LUZP2: variants seen among roughly 807,000 people sequenced by gnomAD.
LUZP2 encodes the protein leucine zipper protein 2.
Under a neutral mutation model 51.6 loss-of-function variants are expected in LUZP2, and 52 were observed. The ratio of observed to expected loss-of-function variants is 1.01; its 90% CI spans 0.81 to 1.27. LUZP2 has a LOEUF of 1.27. Among genes scored for constraint, LUZP2 ranks in the 50% most tolerant of loss-of-function variants. The pLI is 0.00. For synonymous variants in LUZP2, 154 were observed against 137.3 expected, an observed-to-expected ratio of 1.12 and a Z score of -0.85; for missense variants, 436 against 395.4, an observed-to-expected ratio of 1.10 and a Z score of -0.87.
chr11:24,740,268 C>G (rs919930650), intron 4 of LUZP2, among the ~76,000 whole-genome samples: 1 of 152,104 alleles, frequency 6.6e-6, no homozygotes, highest in African/African-American at 2.4e-5. Flanking sequence ...GTAGATTATG[C>G]AAACTGTCTG....
chr11:24,742,307 C>T (rs1008892876), intron 4 of LUZP2, among the ~76,000 whole-genome samples: 1 of 151,744 alleles, frequency 6.6e-6, no homozygotes, highest in Non-Finnish European at 1.5e-5. Context: ...TACTAGCTTA[C>T]ATTCCCACCA....
In LUZP2 at chr11:24,497,303, C is replaced by T. The variant is rs776992957; in HGVS notation, c.60C>T (p.Thr20=). ...LPLLPALVLS[T]RQDYEELEKQ... ...TCCTGCCTGCGCTGGTCCTCAGCAC[C>T]AGGTGAGTCCAGGAGCGTGAGTGAC... The change falls in exon 1 of 12, where the codon ACC becomes ACT. Residue 20 remains threonine (T), a splice_region_variant and synonymous_variant. Coordinates refer to ENST00000336930, the MANE Select transcript of LUZP2 (RefSeq NM_001009909.4). 9 of 1,558,598 alleles carry T rather than the reference C, an allele frequency of 5.8e-6. No homozygotes were observed. Among genetic ancestry groups the T allele is most frequent in the Non-Finnish European group, 7.0e-6 (8 of 1,150,846 alleles).
intron 5 of LUZP2, among the ~76,000 whole-genome samples, chr11:24,836,712 C>T (rs1027241711): frequency 2.6e-5 from 4 of 151,688 alleles, no homozygotes; most frequent in African/African-American, 9.7e-5. Context: ...TATGAAGCCA[C>T]ACACACACAA....
intron 10 of LUZP2, among the ~76,000 whole-genome samples, chr11:25,068,597 T>C (rs1232377856): frequency 6.6e-6 from 1 of 152,014 alleles, no homozygotes; most frequent in Non-Finnish European, 1.5e-5. Context: ...TGATGACATG[T>C]TTGAACAAGT....
intron 1 of LUZP2, among the ~76,000 whole-genome samples, chr11:24,562,073 T>C (rs1031684937): frequency 3.9e-5 from 6 of 152,086 alleles, no homozygotes; most frequent in Non-Finnish European, 7.4e-5. Flanking sequence ...GAGGGAACGT[T>C]AGGCGATGAG....
chr11:24,748,012 C>A (rs1859442304), intron 4 of LUZP2, among the ~76,000 whole-genome samples: 1 of 152,152 alleles, frequency 6.6e-6, no homozygotes, highest in Non-Finnish European at 1.5e-5. Context: ...GGGCTTTGTT[C>A]TTCCCCTTCC....
In LUZP2 at chr11:24,527,599, A is replaced by ACACACAG. The variant is rs112511900; in HGVS notation, c.62+30294_62+30295insCACACAG. On this transcript the variant is annotated intron_variant, in intron 1 of 11. Transcript: ENST00000336930. ...CACACACACACACACACACACACAC[A>ACACACAG]TTTATTTGTTGGCATCTTCTAGAAA... is the stretch of plus-strand genomic sequence containing the variant. Among the ~76,000 whole-genome samples the ACACACAG allele has an allele frequency of 3.7e-3, 544 of 148,800 alleles. 1 individual carries two copies. Among genetic ancestry groups the ACACACAG allele is most frequent in the African/African-American group, 0.012 (485 of 40,104 alleles).
At chr11:25,012,786 C>T (rs189373227) in intron 9 of LUZP2, among the ~76,000 whole-genome samples, 16 of 152,204 alleles carry the variant, frequency 1.1e-4, no homozygotes, top group African/African-American at 2.9e-4. Flanking sequence ...AATGTGAACT[C>T]GTACATCCAC....
chr11:24,906,397 A>G (rs926290694), intron 6 of LUZP2, among the ~76,000 whole-genome samples: 4 of 148,922 alleles, frequency 2.7e-5, no homozygotes, highest in African/African-American at 9.9e-5. Context: ...TGTACTTTCT[A>G]TGTGATGTCT....
At chr11:24,826,293 A>G (rs1850539409) in intron 5 of LUZP2, among the ~76,000 whole-genome samples, 1 of 149,006 alleles carries the variant, frequency 6.7e-6, no homozygotes, top group African/African-American at 2.5e-5. Flanking sequence ...ATGCTCTGTA[A>G]TTATTGTCTT....
intron 1 of LUZP2, among the ~76,000 whole-genome samples, chr11:24,715,337 G>C (rs1303811743): frequency 7.0e-6 from 1 of 142,764 alleles, no homozygotes; most frequent in Non-Finnish European, 1.5e-5. Flanking sequence ...ATCTTGGTCG[G>C]TGAAGAGCAA....
intron 2 of LUZP2, among the ~76,000 whole-genome samples, chr11:24,729,874 TTGTAA>T (rs1565103289): frequency 6.6e-6 from 1 of 151,918 alleles, no homozygotes; most frequent in Non-Finnish European, 1.5e-5. Flanking sequence ...GGTTTAATTC[TTGTAA>T]TGTATCTATG....
chr11:24,965,051 A>C (rs1855541228), intron 7 of LUZP2, among the ~76,000 whole-genome samples: 1 of 151,684 alleles, frequency 6.6e-6, no homozygotes, highest in Non-Finnish European at 1.5e-5. Flanking sequence ...TCAGTAAAGT[A>C]GCTGAGAAGT....
intron 1 of LUZP2, among the ~76,000 whole-genome samples, chr11:24,649,980 C>G (rs202033315): frequency 0.19 from 26,181 of 140,052 alleles, 2,388 homozygotes; most frequent in East Asian, 0.35. Context: ...CACAGAGACA[C>G]ACACACACAC....
chr11:24,500,466 A>G (rs1405345492), intron 1 of LUZP2, among the ~76,000 whole-genome samples: 1 of 152,216 alleles, frequency 6.6e-6, no homozygotes, highest in African/African-American at 2.4e-5. Flanking sequence ...GCCTTGTTGT[A>G]TAGTATTAAA....
chr11:24,741,937 A>AAATGTATATATTTATATAT (rs1387794580), intron 4 of LUZP2, among the ~76,000 whole-genome samples: 5 of 13,008 alleles, frequency 3.8e-4, no homozygotes, highest in South Asian at 4.5e-3. Flanking sequence ...TATTATATAT[A>AAATGTATATATTTATATAT]AATATATACA....
intron 1 of LUZP2, among the ~76,000 whole-genome samples, chr11:24,528,242 A>G (rs1850879197): frequency 6.6e-6 from 1 of 151,238 alleles, no homozygotes; most frequent in African/African-American, 2.4e-5. Flanking sequence ...CAACAAACAA[A>G]ATGATCCTCT....
At chr11:24,942,891 G>T (rs1020645104) in intron 7 of LUZP2, among the ~76,000 whole-genome samples, 1 of 152,048 alleles carries the variant, frequency 6.6e-6, no homozygotes, top group East Asian at 1.9e-4. Flanking sequence ...CTGAATTTAC[G>T]TTTTATATAA....
chr11:24,796,187 C>G (rs1364026852), intron 5 of LUZP2, among the ~76,000 whole-genome samples: 1 of 152,028 alleles, frequency 6.6e-6, no homozygotes, highest in Non-Finnish European at 1.5e-5. Flanking sequence ...TTTTAGGGGT[C>G]AAATTGCTCT....
Sources: allele counts gnomAD v4.1 joint callset (sites outside exome capture counted in the v4.1 genomes callset), GRCh38; gene constraint gnomAD v4.1.1; transcripts MANE v1.5; gene names NCBI Gene and HGNC (gene_info 2026-07-23, HGNC 2026-07-21).